NFYA: variants seen among roughly 807,000 people sequenced by gnomAD.
The protein encoded by NFYA is nuclear transcription factor Y subunit alpha.
A neutral mutation model predicts 52.8 loss-of-function variants in NFYA; 28 were observed. The observed-to-expected ratio is 0.53, with a 90% CI of 0.39 to 0.73. The LOEUF is 0.73. Ranked by LOEUF, NFYA falls within the 30% of genes least tolerant of loss-of-function variation. The pLI is 0.00. For missense variants in NFYA, 234 were observed against 427.0 expected (o/e 0.55, Z 3.98); for synonymous variants, 150 against 150.7 (o/e 1.00, Z 0.03).
rs1301875822 is a variant in NFYA, at chr6:41,099,881, T to A, written c.*2471T>A. The A allele has an allele frequency of 6.6e-6, 1 of 152,038 alleles. No individual in the cohort carries two copies. The highest frequency in any genetic ancestry group is 1.5e-5 in the Non-Finnish European group (1 of 68,002). 9.4% of individuals were successfully genotyped at this position (152,038 alleles called of 1,614,324 possible). A position where few individuals can be genotyped will look rare whatever the true frequency, so the allele number is the denominator to read the frequency against. ...CTTTGGGATTCAACTATATCGAAGG[T>A]TTTTCCCCCAGCAGTATGGGGGCGT... On this transcript the variant is annotated 3_prime_UTR_variant, in exon 10 of 10. Transcript: ENST00000341376.
At chr6:41,075,810 C>G (rs1265449938) in intron 1 of NFYA, 1 of 151,696 alleles carries the variant, frequency 6.6e-6, no homozygotes, top group African/African-American at 2.4e-5. Flanking sequence ...ATCACTTTAT[C>G]TCTTAGGATT....
chr6:41,093,256 T>G (rs1305948313), intron 8 of NFYA, among the ~76,000 whole-genome samples, 171 bp downstream of exon 8: 1 of 152,234 alleles, frequency 6.6e-6, no homozygotes, highest in Non-Finnish European at 1.5e-5. Context: ...GCAGCTGCAG[T>G]TATAATAACG....
At position 41,101,624 on chromosome 6, in the gene NFYA, A is replaced by G. The variant is rs1764503942; in HGVS notation, c.*4214A>G. 6.6e-6 allele frequency among the ~76,000 whole-genome samples: 1 copy of G among 152,154 alleles called. No individual in the cohort carries two copies. The highest frequency in any genetic ancestry group is 1.5e-5 in the Non-Finnish European group (1 of 68,046). ...TCCGCGAGTCGTTCATTTAACAAAT[A>G]CTTACTCTGTGTCAGGGATATGAAG... On this transcript the variant is annotated 3_prime_UTR_variant, in exon 10 of 10. Coordinates refer to ENST00000341376, the MANE Select transcript of NFYA (RefSeq NM_002505.5).
Position 41,097,437 on chromosome 6 carries a change from A to AAGGTCATGTTTCTCACTGTTCC in NFYA, c.*31_*52dup. On this transcript the variant is annotated 3_prime_UTR_variant, in exon 10 of 10. Coordinates refer to ENST00000341376, the MANE Select transcript of NFYA (RefSeq NM_002505.5). ...CCCACGCCATGTGATGGAGCTGATC[A>AAGGTCATGTTTCTCACTGTTCC]AGGTCATGTTTCTCACTGTTCCAGG... is the stretch of plus-strand genomic sequence containing the variant. 1 of 1,611,334 alleles carries AAGGTCATGTTTCTCACTGTTCC rather than the reference A, an allele frequency of 6.2e-7. No individual in the cohort carries two copies. Among genetic ancestry groups the AAGGTCATGTTTCTCACTGTTCC allele is most frequent in the East Asian group, 2.2e-5 (1 of 44,838 alleles).
chr6:41,096,920 G>T (rs749853358), intron 9 of NFYA, among the ~76,000 whole-genome samples: 1 of 152,194 alleles, frequency 6.6e-6, no homozygotes, highest in Non-Finnish European at 1.5e-5. Context: ...GTACATTAAA[G>T]TGTATAGATT....
At chr6:41,079,278 A>G in intron 2 of NFYA, 114 bp downstream of exon 2, 1 of 985,044 alleles carries the variant, frequency 1.0e-6, no homozygotes, top group African/African-American at 1.6e-5. Context: ...ATCTTGTGAG[A>G]TATTGGGTCT....
chr6:41,078,222 C>A (rs1420330937), intron 1 of NFYA, among the ~76,000 whole-genome samples: 1 of 152,170 alleles, frequency 6.6e-6, no homozygotes, highest in African/African-American at 2.4e-5. Flanking sequence ...TATAGTTGCA[C>A]ATATTTTGGT....
At chr6:41,096,223 A>T (rs1185975229) in intron 9 of NFYA, among the ~76,000 whole-genome samples, 1 of 152,126 alleles carries the variant, frequency 6.6e-6, no homozygotes, top group Admixed American at 6.5e-5. Context: ...TCAACAATCA[A>T]ACTAGGTTTC....
rs952176267 is a variant in NFYA, at chr6:41,098,121, T to A, written c.*711T>A. 6.5e-6 allele frequency: 1 copy of A among 152,736 alleles called. No individual in the cohort carries two copies. Among genetic ancestry groups the A allele is most frequent in the Non-Finnish European group, 1.5e-5 (1 of 68,104 alleles). The allele number at this position is 152,736 out of a possible 1,614,324, so 9.5% of individuals were successfully genotyped here. On this transcript the variant is annotated 3_prime_UTR_variant, in exon 10 of 10. Coordinates refer to ENST00000341376, the MANE Select transcript of NFYA (RefSeq NM_002505.5). ...GCTTTGAAAAGTTGTGGCCTGCTTG[T>A]CCCTCTGTTGACTGGTCATCTGGAC...
In NFYA at chr6:41,092,992, C is replaced by G; in HGVS notation, c.795C>G (p.Leu265=). The change falls in exon 8 of 10, where the codon CTC becomes CTG. Residue 265 remains leucine, a synonymous_variant. Transcript: ENST00000341376. ...PGAEMLEEEP[L]YVNAKQYHRI... The stretch of plus-strand genomic sequence containing the variant: ...CAGAGATGCTTGAAGAAGAGCCTCT[C>G]TACGTGAATGCCAAACAATACCACC... 1.2e-6 allele frequency: 2 copies of G among 1,614,102 alleles called. No homozygotes were observed. The highest frequency in any genetic ancestry group is 1.7e-6 in the Non-Finnish European group (2 of 1,180,004).
At position 41,098,418 on chromosome 6, in the gene NFYA, TATC is replaced by T. The variant is rs933671858; in HGVS notation, c.*1011_*1013del. On this transcript the variant is annotated 3_prime_UTR_variant, in exon 10 of 10. Coordinates refer to ENST00000341376, the MANE Select transcript of NFYA (RefSeq NM_002505.5). ...AGAGAGAGCATGTATACCCGTATGTTATCATAGAGCACGATTCTCCAGTGGATG... is the reference window on the plus strand; with the variant it reads ...AGAGAGAGCATGTATACCCGTATGTTATAGAGCACGATTCTCCAGTGGATG... The T allele has an allele frequency of 3.3e-5, 5 of 152,202 alleles. No homozygotes were observed. The highest frequency in any genetic ancestry group is 1.9e-4 in the East Asian group (1 of 5,188). 9.4% of individuals were successfully genotyped at this position (152,202 alleles called of 1,614,324 possible).
chr6:41,076,021 C>T (rs972603024), intron 1 of NFYA, among the ~76,000 whole-genome samples: 22 of 152,262 alleles, frequency 1.4e-4, no homozygotes, highest in African/African-American at 5.3e-4. Context: ...TTGTTGTAGT[C>T]TAGTCTTTCA....
intron 1 of NFYA, among the ~76,000 whole-genome samples, chr6:41,074,847 G>A (rs1168439102): frequency 6.6e-6 from 1 of 152,158 alleles, no homozygotes; most frequent in Non-Finnish European, 1.5e-5. Context: ...GAGTTCTTTG[G>A]GGATGAAGAG....
intron 1 of NFYA, among the ~76,000 whole-genome samples, chr6:41,078,021 A>G (rs546522146): frequency 6.6e-6 from 1 of 152,294 alleles, no homozygotes; most frequent in South Asian, 2.1e-4. Context: ...TATTCTAGAA[A>G]TAAGAATTTT....
intron 9 of NFYA, among the ~76,000 whole-genome samples, chr6:41,094,797 GGCCTGGTGATGCATGCCTGTA>G (rs1218632686): frequency 6.6e-6 from 1 of 152,162 alleles, no homozygotes; most frequent in Non-Finnish European, 1.5e-5. Flanking sequence ...AAACTAGCCA[GGCCTGGTGATGCATGCCTGTA>G]GTCCCAGCTA....
intron 1 of NFYA, among the ~76,000 whole-genome samples, chr6:41,074,341 T>C (rs1282142988): frequency 6.6e-6 from 1 of 152,128 alleles, no homozygotes; most frequent in Non-Finnish European, 1.5e-5. Context: ...AATCCGTGTG[T>C]TAGGGAGGGA....
rs1764425439 is a variant in NFYA, at chr6:41,098,718, T to G, written c.*1308T>G. On this transcript the variant is annotated 3_prime_UTR_variant, in exon 10 of 10. Coordinates refer to ENST00000341376, the MANE Select transcript of NFYA (RefSeq NM_002505.5). ...TTCTTTGGTGCCAGTTTTCATGTTTTCTCCATAGGCCTTGTGCAGAAAGGT... is the reference window on the plus strand; with the variant it reads ...TTCTTTGGTGCCAGTTTTCATGTTTGCTCCATAGGCCTTGTGCAGAAAGGT... 1 of 152,654 alleles carries G rather than the reference T, an allele frequency of 6.6e-6. No homozygotes were observed. 9.5% of individuals were successfully genotyped at this position (152,654 alleles called of 1,614,324 possible). A position where few individuals can be genotyped will look rare whatever the true frequency, so the allele number is the denominator to read the frequency against.
Position 41,098,937 on chromosome 6 carries a change from C to T in NFYA, c.*1527C>T, listed in dbSNP as rs925032074. 6.6e-6 allele frequency: 1 copy of T among 152,318 alleles called. No individual in the cohort carries two copies. Among genetic ancestry groups the T allele is most frequent in the African/African-American group, 2.4e-5 (1 of 41,390 alleles). 9.4% of individuals were successfully genotyped at this position (152,318 alleles called of 1,614,324 possible). ...TGCCTTCTCTGGAAACAAGGAAAAC[C>T]CAATAATTCCGAGGAACATTGGGGG... is the stretch of plus-strand genomic sequence containing the variant. On this transcript the variant is annotated 3_prime_UTR_variant, in exon 10 of 10. Coordinates refer to ENST00000341376, the MANE Select transcript of NFYA (RefSeq NM_002505.5).
In NFYA at chr6:41,099,348, T is replaced by C. The variant is rs917745417; in HGVS notation, c.*1938T>C. On this transcript the variant is annotated 3_prime_UTR_variant, in exon 10 of 10. Transcript: ENST00000341376. ...AGAAAGAAATTACTCAGACCTAACTTTGAGTGCTTAAGCTGCCAACAGTTA... is the reference window on the plus strand; with the variant it reads ...AGAAAGAAATTACTCAGACCTAACTCTGAGTGCTTAAGCTGCCAACAGTTA... 1.3e-5 allele frequency: 2 copies of C among 152,180 alleles called. No individual in the cohort carries two copies. Among genetic ancestry groups the C allele is most frequent in the Non-Finnish European group, 2.9e-5 (2 of 68,010 alleles). The allele number at this position is 152,180 out of a possible 1,614,324, so 9.4% of individuals were successfully genotyped here.
Sources: allele counts gnomAD v4.1 joint callset (sites outside exome capture counted in the v4.1 genomes callset), GRCh38; gene constraint gnomAD v4.1.1; transcripts MANE v1.5; gene names NCBI Gene and HGNC (gene_info 2026-07-23, HGNC 2026-07-21).